YAP1: variants seen among roughly 807,000 people sequenced by gnomAD.
YAP1 encodes the protein transcriptional coactivator YAP1.
In YAP1, 5 loss-of-function variants were observed where a neutral mutation model predicts 56.9. The observed-to-expected ratio is 0.09, with a 90% CI of 0.05 to 0.18. The LOEUF (loss-of-function observed/expected upper bound fraction) is 0.18, where lower values mean the gene tolerates loss of function less well. Ranked by LOEUF, YAP1 falls within the 10% of genes least tolerant of loss-of-function variation. The pLI, the probability that YAP1 is intolerant of heterozygous loss-of-function variation, is 1.00. For synonymous variants in YAP1, 265 were observed against 248.1 expected (o/e 1.07, Z -0.64); for missense variants, 539 against 651.8 (o/e 0.83, Z 1.88).
chr11:102,221,659 G>T (rs1244558870), intron 6 of YAP1, among the ~76,000 whole-genome samples: 1 of 151,924 alleles, frequency 6.6e-6, no homozygotes, highest in Non-Finnish European at 1.5e-5. Context: ...GAAGGTCAAG[G>T]CTGCAGTGAG....
At chr11:102,177,542 T>C (rs1327186175) in intron 3 of YAP1, among the ~76,000 whole-genome samples, 1 of 151,742 alleles carries the variant, frequency 6.6e-6, no homozygotes, top group Non-Finnish European at 1.5e-5. Flanking sequence ...CTGGGCGTGG[T>C]GGTGAGGGCC....
intron 2 of YAP1, among the ~76,000 whole-genome samples, chr11:102,147,949 A>G (rs892230027): frequency 6.6e-6 from 1 of 152,204 alleles, no homozygotes; most frequent in Non-Finnish European, 1.5e-5. Flanking sequence ...GAAAATGTCT[A>G]CTATGTAGAT....
intron 3 of YAP1, among the ~76,000 whole-genome samples, chr11:102,171,936 T>A (rs1946923726): frequency 6.6e-6 from 1 of 152,106 alleles, no homozygotes; most frequent in African/African-American, 2.4e-5. Context: ...ACACTTGTAA[T>A]CCCAGCACTT....
intron 1 of YAP1, among the ~76,000 whole-genome samples, chr11:102,113,352 C>G (rs1329200248): frequency 6.6e-6 from 1 of 152,066 alleles, no homozygotes; most frequent in Non-Finnish European, 1.5e-5. Context: ...AAGGAGAAAA[C>G]AGGCATATGG....
At chr11:102,223,197 A>G (rs991349672) in intron 6 of YAP1, among the ~76,000 whole-genome samples, 3 of 151,298 alleles carry the variant, frequency 2.0e-5, no homozygotes, top group African/African-American at 4.9e-5. Context: ...GCAGTGAGCC[A>G]AGATTGCACC....
chr11:102,172,736 G>A (rs2135445221), intron 3 of YAP1, among the ~76,000 whole-genome samples: 1 of 152,236 alleles, frequency 6.6e-6, no homozygotes, highest in Middle Eastern at 3.4e-3. Context: ...ACCAGTTATG[G>A]TCAGAGTGAT....
chr11:102,222,739 C>G (rs1467379635), intron 6 of YAP1, among the ~76,000 whole-genome samples: 1 of 152,044 alleles, frequency 6.6e-6, no homozygotes, highest in Non-Finnish European at 1.5e-5. Context: ...CATATTCTAT[C>G]CAGCTCAGGA....
chr11:102,198,799 T>C (rs1200339526), intron 4 of YAP1, among the ~76,000 whole-genome samples: 1 of 152,168 alleles, frequency 6.6e-6, no homozygotes, highest in Non-Finnish European at 1.5e-5. Context: ...ATAAAATGTT[T>C]CTGTGTGGAA....
intron 1 of YAP1, chr11:102,112,842 C>T (rs569179648): frequency 2.2e-6 from 2 of 905,170 alleles, no homozygotes; most frequent in South Asian, 5.1e-5. Context: ...GGTATGTTTT[C>T]AAAGTATAAT....
chr11:102,113,124 ACT>A (rs1383319746), intron 1 of YAP1, among the ~76,000 whole-genome samples: 1 of 152,122 alleles, frequency 6.6e-6, no homozygotes, highest in Non-Finnish European at 1.5e-5. Flanking sequence ...GGCATTAATG[ACT>A]CTACTGAGTC....
At chr11:102,141,199 A>C (rs911713426) in intron 2 of YAP1, among the ~76,000 whole-genome samples, 2 of 152,182 alleles carry the variant, frequency 1.3e-5, no homozygotes, top group African/African-American at 4.8e-5. Context: ...ACTACACTGC[A>C]TTGGGAATAT....
chr11:102,137,566 C>A (rs561905030), intron 2 of YAP1, among the ~76,000 whole-genome samples: 42 of 152,300 alleles, frequency 2.8e-4, no homozygotes, highest in African/African-American at 9.4e-4. Flanking sequence ...AAAAAGACAA[C>A]ATATATGAAA....
intron 3 of YAP1, among the ~76,000 whole-genome samples, chr11:102,185,518 T>G (rs1014326533): frequency 6.6e-6 from 1 of 152,200 alleles, no homozygotes; most frequent in Non-Finnish European, 1.5e-5. Context: ...GCCACTCACA[T>G]AAAACATGGA....
chr11:102,111,618 G>C (rs574940425), intron 1 of YAP1, among the ~76,000 whole-genome samples: 4 of 152,220 alleles, frequency 2.6e-5, no homozygotes, highest in Non-Finnish European at 4.4e-5. Context: ...AAGGGGGAGG[G>C]GGGCCTCTGG....
chr11:102,199,431 G>T (rs192916830), intron 4 of YAP1, among the ~76,000 whole-genome samples: 1 of 152,022 alleles, frequency 6.6e-6, no homozygotes, highest in African/African-American at 2.4e-5. Context: ...GGCTTTTTTC[G>T]TATCCATTGC....
chr11:102,157,815 C>A (rs1946041325), intron 2 of YAP1, among the ~76,000 whole-genome samples: 1 of 152,186 alleles, frequency 6.6e-6, no homozygotes, highest in Non-Finnish European at 1.5e-5. Context: ...AGTGTCTGAG[C>A]AGGTCACTAT....
At chr11:102,229,649 C>T (rs1267473813) in intron 8 of YAP1, 53 bp from the exon 9 acceptor site, 1 of 1,539,808 alleles carries the variant, frequency 6.5e-7, no homozygotes, top group African/African-American at 1.4e-5. Context: ...ATGATACAGC[C>T]CTGATGTTAG....
rs1415560005 is a variant in YAP1 at position 102,230,142 on chromosome 11, T to C, written c.*202T>C. 15 of 489,314 alleles carry C rather than the reference T, an allele frequency of 3.1e-5. No individual in the cohort carries two copies. The highest frequency in any genetic ancestry group is 4.7e-5 in the Non-Finnish European group (13 of 278,660). 30.3% of individuals were successfully genotyped at this position (489,314 alleles called of 1,614,324 possible). On this transcript the variant is annotated 3_prime_UTR_variant, in exon 9 of 9. Coordinates refer to ENST00000282441, the MANE Select transcript of YAP1 (RefSeq NM_001130145.3). ...ATTGCTGACCTCTTTCACAGTTGGCTCTAAAGAATCAAAAGAAAAAAACTT... is the reference window on the plus strand; with the variant it reads ...ATTGCTGACCTCTTTCACAGTTGGCCCTAAAGAATCAAAAGAAAAAAACTT...
intron 6 of YAP1, among the ~76,000 whole-genome samples, chr11:102,215,260 A>G (rs1949604494): frequency 6.6e-6 from 1 of 152,294 alleles, no homozygotes; most frequent in African/African-American, 2.4e-5. Flanking sequence ...ATATTTTTAG[A>G]GTTATTCTCC....
Sources: gnomAD v4.1 joint callset for allele counts (sites outside exome capture counted in the v4.1 genomes callset) on GRCh38, gnomAD v4.1.1 for gene constraint, MANE v1.5 for transcripts, NCBI Gene and HGNC (gene_info 2026-07-23, HGNC 2026-07-21) for gene names.